Variants in INPP5A observed in about 807,000 individuals in gnomAD.
INPP5A encodes 43 kDa inositol polyphosphate 5-phophatase.
In INPP5A, 14 loss-of-function variants were observed where a neutral mutation model predicts 65.2. The ratio of observed to expected loss-of-function variants is 0.21; its 90% confidence interval spans 0.14 to 0.34. INPP5A has a LOEUF of 0.34. Ranked by LOEUF, INPP5A falls within the 10% of genes least tolerant of loss-of-function variation. INPP5A has a pLI of 1.00. For synonymous variants in INPP5A, 207 were observed against 208.3 expected (o/e 0.99, Z 0.05); for missense variants, 431 against 545.6 (o/e 0.79, Z 2.09).
intron 9 of INPP5A, among the ~76,000 whole-genome samples, chr10:132,739,560 G>A (rs553890328): frequency 6.6e-6 from 1 of 152,250 alleles, no homozygotes; most frequent in Admixed American, 6.5e-5. Flanking sequence ...GGGGGTGGTG[G>A]CTATAGTGCC....
chr10:132,726,200 A>T (rs552072060), intron 8 of INPP5A, among the ~76,000 whole-genome samples: 1 of 152,238 alleles, frequency 6.6e-6, no homozygotes, highest in Admixed American at 6.5e-5. Context: ...GGCTAAAAAC[A>T]TACACACACG....
chr10:132,626,065 G>T (rs944981239), intron 2 of INPP5A, among the ~76,000 whole-genome samples: 2 of 152,182 alleles, frequency 1.3e-5, no homozygotes, highest in African/African-American at 4.8e-5. Context: ...CCACAGATCC[G>T]TTTTTCCCAT....
At chr10:132,630,418 AG>A (rs1478676417) in intron 2 of INPP5A, among the ~76,000 whole-genome samples, 1 of 152,038 alleles carries the variant, frequency 6.6e-6, no homozygotes, top group African/African-American at 2.4e-5. Flanking sequence ...GGTGTCCATA[AG>A]GGAAAGGTGC....
intron 12 of INPP5A, among the ~76,000 whole-genome samples, chr10:132,773,303 T>G (rs532780153): frequency 6.6e-6 from 1 of 152,354 alleles, no homozygotes; most frequent in Admixed American, 6.5e-5. Context: ...AAAGAAAGAC[T>G]GACTCTCAGA....
Position 132,547,164 on chromosome 10 carries a change from G to A in INPP5A, c.75+8993G>A, listed in dbSNP as rs1396757311. On this transcript the variant is annotated intron_variant, in intron 1 of 15. Transcript: ENST00000368594. The surrounding 1 kb of genome is among the most constrained non-coding windows in gnomAD (Gnocchi z 5.5). ...GCAGGCCCCACCTCTCCTCGCATGT[G>A]CGGCCTTGGGCTGTGTTTCACCTGT... 6.6e-6 allele frequency among the ~76,000 whole-genome samples: 1 copy of A among 152,240 alleles called. No individual in the cohort carries two copies. Among genetic ancestry groups the A allele is most frequent in the African/African-American group, 2.4e-5 (1 of 41,464 alleles).
Position 132,650,324 on chromosome 10 carries a change from A to G in INPP5A, c.219-94A>G, listed in dbSNP as rs147640171. 8.6e-6 allele frequency: 7 copies of G among 810,340 alleles called. No individual in the cohort carries two copies. The highest frequency in any genetic ancestry group is 1.4e-5 in the South Asian group (1 of 70,350). The allele number at this position is 810,340 out of a possible 1,614,324, so 50.2% of individuals were successfully genotyped here. ...TGGATGGTCTCACGGTGATGTACCT[A>G]TGTGCTGGAGCCCCTCTTATACCTT... On this transcript the variant is annotated intron_variant, in intron 3 of 15. Coordinates refer to ENST00000368594, the MANE Select transcript of INPP5A (RefSeq NM_005539.5). The surrounding 1 kb of genome is among the most constrained non-coding windows in gnomAD (Gnocchi z 5.5).
At chr10:132,721,800 G>A (rs116858998) in intron 8 of INPP5A, among the ~76,000 whole-genome samples, 3,258 of 152,174 alleles carry the variant, frequency 0.021, 54 homozygotes, top group South Asian at 0.053. Flanking sequence ...CGGGTTCTGT[G>A]GTGCCTAGGT....
intron 2 of INPP5A, among the ~76,000 whole-genome samples, chr10:132,626,299 C>T (rs139202864): frequency 1.2e-3 from 183 of 152,354 alleles, no homozygotes; most frequent in African/African-American, 4.2e-3. Flanking sequence ...ACAAAGCTGC[C>T]GTGCATGTGG....
chr10:132,695,866 AT>A (rs1341925639), intron 5 of INPP5A, among the ~76,000 whole-genome samples: 1 of 152,180 alleles, frequency 6.6e-6, no homozygotes, highest in Non-Finnish European at 1.5e-5. Flanking sequence ...ATGGAGAGAG[AT>A]TTCATCTTCA....
rs557740591 is a variant in INPP5A at position 132,627,264 on chromosome 10, C to T, written c.118-18604C>T. On this transcript the variant is annotated intron_variant, in intron 2 of 15. Coordinates refer to ENST00000368594, the MANE Select transcript of INPP5A (RefSeq NM_005539.5). The surrounding 1 kb of genome is among the most constrained non-coding windows in gnomAD (Gnocchi z 6.6). ...TGGCATTTTGTGATGGAGCCTCTGC[C>T]GACCGAGGGAGGGGCTGAGGGTGGA... Among the ~76,000 whole-genome samples the T allele has an allele frequency of 3.8e-4, 58 of 152,288 alleles. No individual in the cohort carries two copies. The highest frequency in any genetic ancestry group is 8.5e-4 in the Admixed American group (13 of 15,308).
intron 1 of INPP5A, among the ~76,000 whole-genome samples, chr10:132,562,917 T>TC (rs2071224124): frequency 6.6e-6 from 1 of 152,162 alleles, no homozygotes; most frequent in African/African-American, 2.4e-5. Flanking sequence ...TCAGGTCCTG[T>TC]CTGCTCCCTG....
At chr10:132,570,878 C>T (rs2071332538) in intron 1 of INPP5A, among the ~76,000 whole-genome samples, 1 of 152,240 alleles carries the variant, frequency 6.6e-6, no homozygotes, top group South Asian at 2.1e-4. Context: ...GAGGGCCGTC[C>T]TTCCGGCCGC....
At position 132,673,357 on chromosome 10, in the gene INPP5A, TC is replaced by T. The variant is rs376181902; in HGVS notation, c.307-17033del. 2.2e-3 allele frequency among the ~76,000 whole-genome samples: 341 copies of T among 152,282 alleles called. 3 individuals are homozygous for T. The highest frequency in any genetic ancestry group is 7.0e-3 in the African/African-American group (289 of 41,570). Reference sequence around the variant, plus strand: ...AGGGGTGATGGTGAGTGGTGCCACTTCCACTTCCACCCTTGATTCCCGGACC... The same window carrying T: ...AGGGGTGATGGTGAGTGGTGCCACTTCACTTCCACCCTTGATTCCCGGACC... On this transcript the variant is annotated intron_variant, in intron 4 of 15. Transcript: ENST00000368594.
chr10:132,710,572 G>T (rs1845617543), intron 8 of INPP5A, 116 bp downstream of exon 8: 6 of 1,371,440 alleles, frequency 4.4e-6, no homozygotes, highest in Non-Finnish European at 5.0e-6. Flanking sequence ...AGGTCGGTGT[G>T]GGTGGACAGG....
chr10:132,653,800 A>AGATCGTACG (rs1258649091), intron 4 of INPP5A, among the ~76,000 whole-genome samples: 1 of 152,260 alleles, frequency 6.6e-6, no homozygotes, highest in Non-Finnish European at 1.5e-5. Flanking sequence ...CACCCGCTGC[A>AGATCGTACG]GATCGTACGG....
At chr10:132,752,037 G>A (rs368496110) in intron 11 of INPP5A, among the ~76,000 whole-genome samples, 10 of 147,448 alleles carry the variant, frequency 6.8e-5, no homozygotes, top group South Asian at 4.4e-4. Context: ...CCCAGGAAGC[G>A]TCTGCGTGAA....
At chr10:132,757,091 A>G (rs12251911) in intron 11 of INPP5A, among the ~76,000 whole-genome samples, 28,665 of 152,252 alleles carry the variant, frequency 0.19, 2,823 homozygotes, top group Non-Finnish European at 0.22. Flanking sequence ...GTTAAAGTTT[A>G]TAAAGTAAAA....
intron 2 of INPP5A, among the ~76,000 whole-genome samples, chr10:132,624,196 G>A (rs2072146665): frequency 6.6e-6 from 1 of 151,790 alleles, no homozygotes; most frequent in Admixed American, 6.6e-5. Context: ...TTGCACAGAA[G>A]CCTGAAGCAA....
At chr10:132,685,234 C>G (rs978169879) in intron 4 of INPP5A, among the ~76,000 whole-genome samples, 3 of 152,238 alleles carry the variant, frequency 2.0e-5, no homozygotes, top group African/African-American at 7.2e-5. Flanking sequence ...GGCCTCCTCC[C>G]TCAACACTTT....
Sources: allele counts gnomAD v4.1 joint callset (sites outside exome capture counted in the v4.1 genomes callset), GRCh38; gene constraint gnomAD v4.1.1; non-coding constraint Gnocchi (gnomAD v3.1); transcripts MANE v1.5; gene names NCBI Gene and HGNC (gene_info 2026-07-23, HGNC 2026-07-21).